The following R3HDM2 variants were observed in gnomAD, a reference collection of about 807,000 sequenced individuals.
R3HDM2 encodes R3H domain-containing protein 2.
Under a neutral mutation model 124.5 loss-of-function variants are expected in R3HDM2, and 38 were observed. That is an observed-to-expected ratio of 0.31 (90% confidence interval 0.24 to 0.40). The LOEUF (loss-of-function observed/expected upper bound fraction) is 0.40. Among genes scored for constraint, R3HDM2 ranks in the 10% least tolerant of loss-of-function variants. The pLI is 1.00. For missense variants in R3HDM2, 869 were observed against 1,236.9 expected (o/e 0.70, Z 4.46); for synonymous variants, 391 against 448.0 (o/e 0.87, Z 1.61).
rs573103653 is a variant in R3HDM2, at chr12:57,322,623, C to T, written c.-35-12160G>A. Among the ~76,000 whole-genome samples the T allele has an allele frequency of 4.2e-4, 64 of 152,222 alleles. No individual in the cohort carries two copies. In the South Asian group the frequency reaches 0.011, roughly 26 times the overall value. ...TGATTCCAAAGTCTGCATTCTTTCT[C>T]GACTTTTTTTTAATTATTTTTTTCT... On this transcript the variant is annotated intron_variant, in intron 2 of 23. Coordinates refer to ENST00000402412, the MANE Select transcript of R3HDM2 (RefSeq NM_001394031.1).
intron 19 of R3HDM2, among the ~76,000 whole-genome samples, chr12:57,266,106 CTTTTTTTTT>C (rs74991749): frequency 3.6e-5 from 4 of 111,172 alleles, no homozygotes; most frequent in Non-Finnish European, 3.8e-5. Context: ...CATAATTTTT[CTTTTTTTTT>C]TTTTTTTTGA....
intron 2 of R3HDM2, among the ~76,000 whole-genome samples, chr12:57,362,659 A>G (rs996543084): frequency 2.2e-4 from 33 of 152,126 alleles, no homozygotes; most frequent in Admixed American, 2.2e-3. Flanking sequence ...ACCTCTCCCA[A>G]TCTTTTGGGC....
At chr12:57,424,115 A>AG (rs1491124528) in intron 1 of R3HDM2, among the ~76,000 whole-genome samples, 3 of 2,650 alleles carry the variant, frequency 1.1e-3, no homozygotes, top group Non-Finnish European at 5.2e-3. Context: ...ACTCTGTCTC[A>AG]AAAAAAAAAA....
At chr12:57,404,547 A>T (rs1009975809) in intron 1 of R3HDM2, among the ~76,000 whole-genome samples, 1 of 151,934 alleles carries the variant, frequency 6.6e-6, no homozygotes, top group Non-Finnish European at 1.5e-5. Flanking sequence ...AATAAAATTT[A>T]AAAAAATTAA....
intron 2 of R3HDM2, among the ~76,000 whole-genome samples, chr12:57,367,422 G>T (rs1466226342): frequency 1.3e-5 from 2 of 152,234 alleles, no homozygotes; most frequent in African/African-American, 2.4e-5. Flanking sequence ...ATTACACAGT[G>T]TAGGTTTAGG....
intron 2 of R3HDM2, among the ~76,000 whole-genome samples, chr12:57,356,586 T>C (rs191584082): frequency 1.6e-4 from 24 of 152,278 alleles, no homozygotes; most frequent in East Asian, 1.2e-3. Flanking sequence ...CAGAGTAAGG[T>C]TGGGCTCATA....
chr12:57,294,622 C>T (rs2049342806), intron 10 of R3HDM2, among the ~76,000 whole-genome samples: 1 of 152,128 alleles, frequency 6.6e-6, no homozygotes, highest in South Asian at 2.1e-4. Context: ...GTAGGCTCTA[C>T]TCAACCACGC....
At position 57,264,571 on chromosome 12, in the gene R3HDM2, C is replaced by CA. The variant is rs1228367249; in HGVS notation, c.2131+2159dup. Among the ~76,000 whole-genome samples, 34 of 145,018 alleles carry CA rather than the reference C, an allele frequency of 2.3e-4. 1 individual carries two copies. The highest frequency in any genetic ancestry group is 7.1e-4 in the African/African-American group (28 of 39,332). ...TGGGTGACAGAGCAAGACTCTGTCTCAAAAAAAAGAAAAGAAAAGAAAAGA... is the reference window on the plus strand; with the variant it reads ...TGGGTGACAGAGCAAGACTCTGTCTCAAAAAAAAAGAAAAGAAAAGAAAAGA... On this transcript the variant is annotated intron_variant, in intron 19 of 23. Transcript: ENST00000402412.
At chr12:57,283,385 G>A (rs965532645) in intron 13 of R3HDM2, among the ~76,000 whole-genome samples, 1 of 151,994 alleles carries the variant, frequency 6.6e-6, no homozygotes, top group African/African-American at 2.4e-5. Context: ...AAATTCAAAT[G>A]TCCCTTCCCC....
intron 1 of R3HDM2, among the ~76,000 whole-genome samples, chr12:57,399,573 T>C (rs903440328): frequency 4.6e-5 from 7 of 152,256 alleles, no homozygotes; most frequent in South Asian, 2.1e-4. Flanking sequence ...GTTTAGGCAA[T>C]AGATAAGTCA....
At chr12:57,300,601 A>C (rs539114280) in intron 4 of R3HDM2, among the ~76,000 whole-genome samples, 46 of 152,306 alleles carry the variant, frequency 3.0e-4, no homozygotes, top group Middle Eastern at 3.4e-3. Context: ...ACCCTGAGCA[A>C]ATTACCTGAC....
At chr12:57,305,685 C>T (rs1046122338) in intron 3 of R3HDM2, 1 of 398,912 alleles carries the variant, frequency 2.5e-6, no homozygotes, top group Non-Finnish European at 4.4e-6. Context: ...GACAGACAGA[C>T]AATTACAATA....
At chr12:57,293,985 G>A (rs1444099893) in intron 10 of R3HDM2, among the ~76,000 whole-genome samples, 1 of 152,158 alleles carries the variant, frequency 6.6e-6, no homozygotes, top group Non-Finnish European at 1.5e-5. Flanking sequence ...TTGAGGTCAG[G>A]CAGAATCTCA....
At chr12:57,376,883 G>A (rs1455914604) in intron 2 of R3HDM2, among the ~76,000 whole-genome samples, 3 of 151,750 alleles carry the variant, frequency 2.0e-5, no homozygotes, top group Non-Finnish European at 2.9e-5. Context: ...CTCAGGAGGC[G>A]GCGGTTGCAA....
chr12:57,402,276 G>A (rs1249779241), intron 1 of R3HDM2, among the ~76,000 whole-genome samples: 4 of 150,650 alleles, frequency 2.7e-5, no homozygotes, highest in Admixed American at 6.6e-5. Flanking sequence ...GCCTGGGCAA[G>A]AGAGCAAGAC....
chr12:57,268,420 G>A lies in R3HDM2; in HGVS notation c.1913C>T (p.Pro638Leu), dbSNP rs935815164. Residue 638 changes from proline (P) to leucine (L), a missense_variant, in exon 18 of 24, where the codon CCG becomes CTG. By Grantham distance (98) the Pro-to-Leu change is moderately conservative (BLOSUM62 -3). This residue lies in a region of R3HDM2 where 602 missense variants were observed against 789.2 expected (regional missense o/e 0.76). Coordinates refer to ENST00000402412, the MANE Select transcript of R3HDM2 (RefSeq NM_001394031.1). Reference sequence around the variant, plus strand: ...GACCAGCATGGGTTGCTGGAAAGGCGGCTGGACCACATTTTGCGAGTCACT... The same window carrying A: ...GACCAGCATGGGTTGCTGGAAAGGCAGCTGGACCACATTTTGCGAGTCACT... ...VGSDSQNVVQ[P>L]PFQQPMLVPV... 1 of 1,614,086 alleles carries A rather than the reference G, an allele frequency of 6.2e-7. No homozygotes were observed. The highest frequency in any genetic ancestry group is 8.5e-7 in the Non-Finnish European group (1 of 1,180,010).
chr12:57,371,637 T>C (rs2063399872), intron 2 of R3HDM2, among the ~76,000 whole-genome samples: 1 of 152,182 alleles, frequency 6.6e-6, no homozygotes, highest in African/African-American at 2.4e-5. Flanking sequence ...ACATTGTGCT[T>C]CTCATAGGGA....
Position 57,300,171 on chromosome 12 carries a change from T to C in R3HDM2, c.218A>G (p.Lys73Arg). Residue 73 changes from lysine (K) to arginine (R), a missense_variant, in exon 5 of 24, where the codon AAG (lysine) becomes AGG (arginine). Transcript: ENST00000402412. ...TGCCAGGCTACGCACCAACTTTAGC[T>C]TGGAATTAGACTGAAAAAAACAAAA... Reference protein sequence around the residue: ...HARKRAKSNSKLKLVRSLAVC... With the variant: ...HARKRAKSNSRLKLVRSLAVC... 1.9e-6 allele frequency: 3 copies of C among 1,551,520 alleles called. No individual in the cohort carries two copies. The highest frequency in any genetic ancestry group is 2.6e-6 in the Non-Finnish European group (3 of 1,146,836).
chr12:57,346,763 T>C (rs2060130385), intron 2 of R3HDM2, among the ~76,000 whole-genome samples: 1 of 152,210 alleles, frequency 6.6e-6, no homozygotes, highest in African/African-American at 2.4e-5. Flanking sequence ...TAATAGACTA[T>C]TCTCCTATTG....
Sources: allele counts gnomAD v4.1 joint callset (sites outside exome capture counted in the v4.1 genomes callset), GRCh38; gene constraint gnomAD v4.1.1; regional missense constraint gnomAD v4.1.1; transcripts MANE v1.5; gene names NCBI Gene and HGNC (gene_info 2026-07-23, HGNC 2026-07-21).